The following C1orf50 variants were observed in gnomAD, a reference collection of about 807,000 sequenced individuals.
C1orf50 encodes uncharacterized protein C1orf50.
A neutral mutation model predicts 23.3 loss-of-function variants in C1orf50; 22 were observed. That is an observed-to-expected ratio of 0.94 (90% CI 0.67 to 1.35). The LOEUF is 1.35. Ranked by LOEUF, C1orf50 falls within the 40% of genes most tolerant of loss-of-function variation. The pLI is 0.00. For missense variants in C1orf50, 271 were observed against 249.4 expected (o/e 1.09, Z -0.58); for synonymous variants, 96 against 102.4 (o/e 0.94, Z 0.38).
intron 2 of C1orf50, among the ~76,000 whole-genome samples, chr1:42,772,274 A>G (rs919889848): frequency 6.6e-6 from 1 of 152,028 alleles, no homozygotes. Context: ...TTGCCTTAAG[A>G]CTCCTCAACT....
chr1:42,768,491 A>G (rs1653138709), intron 2 of C1orf50, among the ~76,000 whole-genome samples: 1 of 152,112 alleles, frequency 6.6e-6, no homozygotes, highest in African/African-American at 2.4e-5. Context: ...GCTTTGCCCA[A>G]AATTATTTAA....
At chr1:42,768,573 A>T (rs2124183616) in intron 2 of C1orf50, among the ~76,000 whole-genome samples, 1 of 148,146 alleles carries the variant, frequency 6.8e-6, no homozygotes, top group East Asian at 2.0e-4. Context: ...TTTTTTTTTA[A>T]AATTAAGAAA....
intron 2 of C1orf50, among the ~76,000 whole-genome samples, chr1:42,772,280 CAACT>C (rs1191640509): frequency 6.6e-6 from 1 of 152,206 alleles, no homozygotes; most frequent in Non-Finnish European, 1.5e-5. Flanking sequence ...TAAGACTCCT[CAACT>C]AACCAGCAAA....
chr1:42,775,163 G>A (rs776307874), intron 4 of C1orf50, 46 bp from the exon 5 acceptor site: 1 of 1,533,574 alleles, frequency 6.5e-7, no homozygotes, highest in Non-Finnish European at 9.0e-7. Context: ...AGCTCAGTTT[G>A]TTTACAACCC....
chr1:42,774,956 G>A (rs1330873401), intron 4 of C1orf50, 88 bp downstream of exon 4: 7 of 1,468,320 alleles, frequency 4.8e-6, no homozygotes, highest in Admixed American at 2.0e-5. Context: ...ATGTGGATTG[G>A]TATATGGTTT....
At position 42,779,461 on chromosome 1, in the gene C1orf50, G is replaced by A. The variant is rs912702764; in HGVS notation, c.*4067G>A. 2 of 151,994 alleles carry A rather than the reference G, an allele frequency of 1.3e-5. No individual in the cohort carries two copies. Among genetic ancestry groups the A allele is most frequent in the South Asian group, 4.1e-4 (2 of 4,828 alleles). 9.4% of individuals were successfully genotyped at this position (151,994 alleles called of 1,614,324 possible). On this transcript the variant is annotated 3_prime_UTR_variant, in exon 5 of 5. Coordinates refer to ENST00000372525, the MANE Select transcript of C1orf50 (RefSeq NM_024097.4). ...TGAAAGTACAATCGATTGCCATCTT[G>A]TTAATAAAATGTCAGAGGGATTAGA...
intron 2 of C1orf50, 183 bp from the exon 3 acceptor site, chr1:42,773,380 C>T (rs1354686915): frequency 2.1e-6 from 1 of 471,548 alleles, no homozygotes; most frequent in African/African-American, 2.0e-5. Flanking sequence ...TCAGGGTGGC[C>T]TTCTCATGAC....
chr1:42,773,877 C>G (rs1653276090), intron 3 of C1orf50, among the ~76,000 whole-genome samples: 1 of 152,180 alleles, frequency 6.6e-6, no homozygotes, highest in Admixed American at 6.5e-5. Flanking sequence ...GGCTGGAGTG[C>G]AGTGGCATGG....
intron 2 of C1orf50, among the ~76,000 whole-genome samples, chr1:42,770,435 C>CTT (rs751331051): frequency 2.1e-5 from 3 of 142,236 alleles, no homozygotes; most frequent in Non-Finnish European, 4.6e-5. Context: ...TTCTTTCTTT[C>CTT]TTTTTTTTTT....
chr1:42,768,194 C>T (rs1342400711), intron 2 of C1orf50, among the ~76,000 whole-genome samples: 1 of 152,158 alleles, frequency 6.6e-6, no homozygotes, highest in East Asian at 1.9e-4. Context: ...GTATTAATCC[C>T]ACTTTTGATA....
Position 42,775,474 on chromosome 1 carries a change from A to C in C1orf50, c.*80A>C. ...CCCCCACTGTTGCCTTGAGAATTGA[A>C]GACATGTAGGTGACTCACAAACTTC... On this transcript the variant is annotated 3_prime_UTR_variant, in exon 5 of 5. Transcript: ENST00000372525. 7.5e-7 allele frequency: 1 copy of C among 1,337,932 alleles called. No individual in the cohort carries two copies. Among genetic ancestry groups the C allele is most frequent in the Middle Eastern group, 2.7e-4 (1 of 3,718 alleles). 82.9% of individuals were successfully genotyped at this position (1,337,932 alleles called of 1,614,324 possible). A position where few individuals can be genotyped will look rare whatever the true frequency, so the allele number is the denominator to read the frequency against.
chr1:42,775,743 G>A lies in C1orf50; in HGVS notation c.*349G>A, dbSNP rs1653324798. 7.5e-6 allele frequency: 1 copy of A among 133,006 alleles called. No individual in the cohort carries two copies. Among genetic ancestry groups the A allele is most frequent in the Non-Finnish European group, 1.6e-5 (1 of 63,002 alleles). 8.2% of individuals were successfully genotyped at this position (133,006 alleles called of 1,614,324 possible). Reference sequence around the variant, plus strand: ...AAAGGTTGGTGGATCGTTTTCCAGAGAGAACTGTTTTCAGTCTTTTATATA... The same window carrying A: ...AAAGGTTGGTGGATCGTTTTCCAGAAAGAACTGTTTTCAGTCTTTTATATA... On this transcript the variant is annotated 3_prime_UTR_variant, in exon 5 of 5. Coordinates refer to ENST00000372525, the MANE Select transcript of C1orf50 (RefSeq NM_024097.4).
Position 42,773,512 on chromosome 1 carries a change from T to G in C1orf50, c.196-51T>G, listed in dbSNP as rs535694545. On this transcript the variant is annotated intron_variant, in intron 2 of 4. Transcript: ENST00000372525. ...CCCTGGGATCAAGATAAGAACATCA[T>G]AGAAGTCTTTTCCTCTTTCAACCCA... The G allele has an allele frequency of 2.7e-6, 3 of 1,095,956 alleles. No individual in the cohort carries two copies. The South Asian group carries it at 4.0e-5, about 14-fold the overall frequency. 67.9% of individuals were successfully genotyped at this position (1,095,956 alleles called of 1,614,324 possible).
intron 2 of C1orf50, chr1:42,773,229 G>A (rs899078084): frequency 1.6e-5 from 3 of 192,164 alleles, no homozygotes; most frequent in African/African-American, 7.1e-5. Flanking sequence ...GATATATTCA[G>A]TATATTTGGT....
chr1:42,774,982 G>A, intron 4 of C1orf50, 114 bp downstream of exon 4: 2 of 1,322,066 alleles, frequency 1.5e-6, no homozygotes, highest in Non-Finnish European at 2.1e-6. Flanking sequence ...AAAATTGGGG[G>A]TGATGTGAGC....
chr1:42,770,762 T>C (rs1177765360), intron 2 of C1orf50, among the ~76,000 whole-genome samples: 1 of 152,282 alleles, frequency 6.6e-6, no homozygotes, highest in Non-Finnish European at 1.5e-5. Context: ...GCAAATTCTT[T>C]TACCATGGGC....
chr1:42,767,307 C>T lies in C1orf50; in HGVS notation c.-5C>T, dbSNP rs1025981795. 1 of 1,504,746 alleles carries T rather than the reference C, an allele frequency of 6.6e-7. No homozygotes were observed. The highest frequency in any genetic ancestry group is 1.3e-5 in the South Asian group (1 of 75,248). The allele number at this position is 1,504,746 out of a possible 1,614,324, so 93.2% of individuals were successfully genotyped here. ...CCCAGGGAGTGGGGAGGATAAGGCG[C>T]TGTCATGGAGGACGCCGCCGCGCCG... On this transcript the variant is annotated 5_prime_UTR_variant, in exon 1 of 5. Transcript: ENST00000372525.
intron 2 of C1orf50, among the ~76,000 whole-genome samples, chr1:42,770,035 G>T (rs890259965): frequency 6.6e-6 from 1 of 152,078 alleles, no homozygotes; most frequent in Non-Finnish European, 1.5e-5. Context: ...GAGAAAGTGA[G>T]GTTATCATCT....
rs1653377732 is a variant in C1orf50 at position 42,778,330 on chromosome 1, A to AGATGC, written c.*2937_*2941dup. ...GGAAGGAAACAAGTTAACAATTACA[A>AGATGC]GATGCTCTAAGAAGGGGTGTGATAG... On this transcript the variant is annotated 3_prime_UTR_variant, in exon 5 of 5. Coordinates refer to ENST00000372525, the MANE Select transcript of C1orf50 (RefSeq NM_024097.4). The AGATGC allele has an allele frequency of 6.6e-6, 1 of 152,222 alleles. No individual in the cohort carries two copies. The highest frequency in any genetic ancestry group is 6.5e-5 in the Admixed American group (1 of 15,280). 9.4% of individuals were successfully genotyped at this position (152,222 alleles called of 1,614,324 possible).
Sources: gnomAD v4.1 joint callset for allele counts (sites outside exome capture counted in the v4.1 genomes callset) on GRCh38, gnomAD v4.1.1 for gene constraint, MANE v1.5 for transcripts, NCBI Gene and HGNC (gene_info 2026-07-23, HGNC 2026-07-21) for gene names.